CALN1: variants seen among roughly 807,000 people sequenced by gnomAD.
CALN1 encodes the protein calneuron 1, also known as calcium-binding protein 8.
CALN1 carries 17 observed loss-of-function variants against 30.6 expected under a neutral mutation model. The ratio of observed to expected loss-of-function variants is 0.56; its 90% CI spans 0.38 to 0.83. CALN1 has a LOEUF of 0.83. CALN1 is among the 40% of genes least tolerant of loss of function. The probability of loss-of-function intolerance (pLI) is 0.00; values close to 1 mark genes in which losing one functional copy is unlikely to be tolerated. For synonymous variants in CALN1, 156 were observed against 131.4 expected, an observed-to-expected ratio of 1.19 and a Z score of -1.28; for missense variants, 291 against 354.9, an observed-to-expected ratio of 0.82 and a Z score of 1.45.
Position 72,037,466 on chromosome 7 carries a change from G to A in CALN1, c.389-13697C>T, listed in dbSNP as rs568617426. On this transcript the variant is annotated intron_variant, in intron 4 of 6. Coordinates refer to ENST00000395275, the MANE Select transcript of CALN1 (RefSeq NM_031468.4). ...CACCCAGCCTCCTTTCATAATTTTTGATAGTCGAACCATATCATTTATTAC... is the reference window on the plus strand; with the variant it reads ...CACCCAGCCTCCTTTCATAATTTTTAATAGTCGAACCATATCATTTATTAC... Among the ~76,000 whole-genome samples the A allele has an allele frequency of 2.0e-5, 3 of 152,148 alleles. No individual in the cohort carries two copies. The East Asian group carries it at 5.8e-4, about 29-fold the overall frequency.
chr7:71,794,123 C>G (rs1268826956), intron 6 of CALN1, among the ~76,000 whole-genome samples: 1 of 151,908 alleles, frequency 6.6e-6, no homozygotes, highest in African/African-American at 2.4e-5. Context: ...TCATTTATTG[C>G]GTGAGGAGCC....
At chr7:72,304,910 G>A (rs1799544658) in intron 2 of CALN1, among the ~76,000 whole-genome samples, 1 of 152,174 alleles carries the variant, frequency 6.6e-6, no homozygotes, top group East Asian at 1.9e-4. Context: ...TTTACAGCTA[G>A]AGAGAAATTA....
At chr7:72,344,804 A>C (rs985494082) in intron 2 of CALN1, among the ~76,000 whole-genome samples, 5 of 147,626 alleles carry the variant, frequency 3.4e-5, no homozygotes, top group Non-Finnish European at 7.5e-5. Context: ...CAGCCAAAAA[A>C]ATGAAATCCA....
chr7:72,371,258 G>C (rs1412125479), intron 2 of CALN1, among the ~76,000 whole-genome samples: 1 of 152,102 alleles, frequency 6.6e-6, no homozygotes, highest in South Asian at 2.1e-4. Flanking sequence ...AGTTTTGTGA[G>C]ATCTAAGGAT....
chr7:72,388,206 T>A (rs1805358360), intron 2 of CALN1, among the ~76,000 whole-genome samples: 1 of 152,140 alleles, frequency 6.6e-6, no homozygotes, highest in Non-Finnish European at 1.5e-5. Flanking sequence ...CACAAACGTG[T>A]AACATTACAC....
intron 4 of CALN1, among the ~76,000 whole-genome samples, chr7:72,040,048 G>A (rs145863034): frequency 1.1e-4 from 16 of 152,044 alleles, no homozygotes; most frequent in African/African-American, 3.6e-4. Flanking sequence ...CTCTACAAAT[G>A]GCTCTTAGGA....
At chr7:72,140,074 C>A (rs541226760) in intron 3 of CALN1, among the ~76,000 whole-genome samples, 7 of 151,822 alleles carry the variant, frequency 4.6e-5, no homozygotes, top group Non-Finnish European at 8.8e-5. Context: ...AGTTTGAAAC[C>A]AGCCTGGGCA....
intron 4 of CALN1, among the ~76,000 whole-genome samples, chr7:72,086,576 G>T (rs903346302): frequency 4.0e-5 from 6 of 151,136 alleles, no homozygotes; most frequent in African/African-American, 1.5e-4. Context: ...TGGGACTACC[G>T]GCCCGTGCCA....
At chr7:72,221,933 A>G (rs908977728) in intron 3 of CALN1, among the ~76,000 whole-genome samples, 2 of 151,682 alleles carry the variant, frequency 1.3e-5, no homozygotes, top group African/African-American at 2.4e-5. Context: ...CCTATAAAGA[A>G]AAGAGTTTTA....
intron 3 of CALN1, among the ~76,000 whole-genome samples, chr7:72,222,601 G>A (rs1475752690): frequency 6.6e-6 from 1 of 152,056 alleles, no homozygotes; most frequent in Non-Finnish European, 1.5e-5. Context: ...GATTTGGGTG[G>A]GGGACACAGA....
intron 5 of CALN1, among the ~76,000 whole-genome samples, chr7:71,834,466 GA>G (rs1446004209): frequency 6.6e-6 from 1 of 151,772 alleles, no homozygotes; most frequent in East Asian, 1.9e-4. Flanking sequence ...GCAAGGTAAG[GA>G]ATGTGTCCCT....
At chr7:72,270,222 T>G (rs1328095391) in intron 3 of CALN1, among the ~76,000 whole-genome samples, 1 of 152,080 alleles carries the variant, frequency 6.6e-6, no homozygotes, top group Non-Finnish European at 1.5e-5. Flanking sequence ...CTTAGGAGGC[T>G]GAGGCAGGGG....
chr7:71,940,301 G>T (rs1796060257), intron 5 of CALN1, among the ~76,000 whole-genome samples: 2 of 152,162 alleles, frequency 1.3e-5, no homozygotes, highest in African/African-American at 4.8e-5. Flanking sequence ...CATGCAATCT[G>T]TTCTTCTGGG....
At chr7:71,890,407 C>T (rs1024725080) in intron 5 of CALN1, among the ~76,000 whole-genome samples, 1 of 152,144 alleles carries the variant, frequency 6.6e-6, no homozygotes, top group African/African-American at 2.4e-5. Context: ...CAGACTGTGA[C>T]ATAAAACACT....
At chr7:72,321,747 CG>C (rs1800897133) in intron 2 of CALN1, among the ~76,000 whole-genome samples, 1 of 152,150 alleles carries the variant, frequency 6.6e-6, no homozygotes, top group South Asian at 2.1e-4. Flanking sequence ...TGACTATACC[CG>C]CAGTCTTTCT....
At chr7:71,882,751 A>T (rs796576024) in intron 5 of CALN1, among the ~76,000 whole-genome samples, 44 of 151,114 alleles carry the variant, frequency 2.9e-4, no homozygotes, top group African/African-American at 1.0e-3. Flanking sequence ...TGGCACAATC[A>T]TAGCTCACTT....
At chr7:71,848,127 G>C (rs148648989) in intron 5 of CALN1, among the ~76,000 whole-genome samples, 1 of 152,196 alleles carries the variant, frequency 6.6e-6, no homozygotes, top group Non-Finnish European at 1.5e-5. Flanking sequence ...AGTGAAACTG[G>C]TTATAAGAAA....
chr7:72,281,812 GATGTT>G (rs1562834407), intron 2 of CALN1, among the ~76,000 whole-genome samples: 1 of 152,076 alleles, frequency 6.6e-6, no homozygotes, highest in Non-Finnish European at 1.5e-5. Context: ...TCATAATAAG[GATGTT>G]ATACTCAAGC....
intron 1 of CALN1, among the ~76,000 whole-genome samples, chr7:72,422,222 C>T (rs1344571793): frequency 1.3e-5 from 2 of 152,124 alleles, no homozygotes; most frequent in East Asian, 1.9e-4. Flanking sequence ...CCATAGTGGC[C>T]GTACTACTAG....
Sources: allele counts gnomAD v4.1 joint callset (sites outside exome capture counted in the v4.1 genomes callset), GRCh38; gene constraint gnomAD v4.1.1; transcripts MANE v1.5; gene names NCBI Gene and HGNC (gene_info 2026-07-23, HGNC 2026-07-21).